The following PLSCR4 variants were observed in gnomAD, a reference collection of about 807,000 sequenced individuals.
PLSCR4 encodes Ca(2+)-dependent phospholipid scramblase 4.
In PLSCR4, 25 loss-of-function variants were observed where a neutral mutation model predicts 36.3. The observed-to-expected ratio is 0.69, with a 90% CI of 0.50 to 0.96. PLSCR4 has a LOEUF of 0.96. Among genes scored for constraint, PLSCR4 ranks in the 40% least tolerant of loss-of-function variants. The pLI, the probability that PLSCR4 is intolerant of heterozygous loss-of-function variation, is 0.00. For synonymous variants in PLSCR4, 122 were observed against 132.9 expected, an observed-to-expected ratio of 0.92 and a Z score of 0.56; for missense variants, 408 against 414.7, an observed-to-expected ratio of 0.98 and a Z score of 0.14.
chr3:146,207,779 G>A (rs2034414157), intron 3 of PLSCR4, among the ~76,000 whole-genome samples: 1 of 152,016 alleles, frequency 6.6e-6, no homozygotes, highest in Non-Finnish European at 1.5e-5. Flanking sequence ...GAGATCTGAT[G>A]AATTATCTTT....
intron 3 of PLSCR4, among the ~76,000 whole-genome samples, chr3:146,210,263 T>C (rs1280686375): frequency 1.3e-5 from 2 of 152,096 alleles, no homozygotes; most frequent in Non-Finnish European, 2.9e-5. Context: ...AATTCACAAA[T>C]ATAGGGGTCC....
At position 146,192,569 on chromosome 3, in the gene PLSCR4, A is replaced by T. The variant is rs569786319; in HGVS notation, c.*1842T>A. ...AATATAATTTTTTAAAAAAGAAATT[A>T]AAAATATCACGTCTTATGCTAAATA... On this transcript the variant is annotated 3_prime_UTR_variant, in exon 9 of 9. Transcript: ENST00000354952. 2 of 151,856 alleles carry T rather than the reference A, an allele frequency of 1.3e-5. No homozygotes were observed. Among genetic ancestry groups the T allele is most frequent in the East Asian group, 1.9e-4 (1 of 5,178 alleles). 9.4% of individuals were successfully genotyped at this position (151,856 alleles called of 1,614,324 possible). A position where few individuals can be genotyped will look rare whatever the true frequency, so the allele number is the denominator to read the frequency against.
At chr3:146,222,031 TA>T in intron 2 of PLSCR4, 33 bp downstream of exon 2, 1 of 1,185,260 alleles carries the variant, frequency 8.4e-7, no homozygotes, top group South Asian at 1.5e-5. Flanking sequence ...CATTTGAAAA[TA>T]AAGCATATTC....
intron 1 of PLSCR4, among the ~76,000 whole-genome samples, chr3:146,225,131 T>C (rs545946943): frequency 5.9e-5 from 9 of 152,166 alleles, no homozygotes; most frequent in East Asian, 1.9e-4. Context: ...AGAGTGTCCA[T>C]TGGTGCACTC....
At chr3:146,232,198 A>G (rs1444018996) in intron 1 of PLSCR4, among the ~76,000 whole-genome samples, 6 of 151,940 alleles carry the variant, frequency 3.9e-5, no homozygotes, top group African/African-American at 9.7e-5. Context: ...CTGTTGTTCC[A>G]TATGTCTGTT....
At position 146,192,431 on chromosome 3, in the gene PLSCR4, C is replaced by T. The variant is rs1440370651; in HGVS notation, c.*1980G>A. 2.7e-5 allele frequency: 4 copies of T among 150,382 alleles called. No individual in the cohort carries two copies. The highest frequency in any genetic ancestry group is 4.4e-5 in the Non-Finnish European group (3 of 67,662). The allele number at this position is 150,382 out of a possible 1,614,324, so 9.3% of individuals were successfully genotyped here. A position where few individuals can be genotyped will look rare whatever the true frequency, so the allele number is the denominator to read the frequency against. On this transcript the variant is annotated 3_prime_UTR_variant, in exon 9 of 9. Coordinates refer to ENST00000354952, the MANE Select transcript of PLSCR4 (RefSeq NM_020353.3). ...CAGAGAATTTGTTTTTTAATCAATC[C>T]GATCAATTTTACACAACAAAATATC...
At chr3:146,244,177 T>C (rs2036258866) in intron 1 of PLSCR4, among the ~76,000 whole-genome samples, 1 of 152,202 alleles carries the variant, frequency 6.6e-6, no homozygotes, top group Non-Finnish European at 1.5e-5. Flanking sequence ...ATTGAGATAC[T>C]GATACCTTTG....
chr3:146,219,622 A>T (rs1559913468), intron 3 of PLSCR4, among the ~76,000 whole-genome samples: 1 of 151,698 alleles, frequency 6.6e-6, no homozygotes, highest in Non-Finnish European at 1.5e-5. Context: ...GCCTAGAGCC[A>T]AAAAAAACCT....
intron 1 of PLSCR4, among the ~76,000 whole-genome samples, chr3:146,247,653 C>G (rs1315563448): frequency 2.0e-5 from 3 of 152,112 alleles, no homozygotes; most frequent in Non-Finnish European, 4.4e-5. Flanking sequence ...GGCAGGGTCT[C>G]TTTCTGTTGC....
intron 1 of PLSCR4, among the ~76,000 whole-genome samples, chr3:146,243,250 T>G (rs529609755): frequency 2.0e-5 from 3 of 152,300 alleles, no homozygotes; most frequent in South Asian, 2.1e-4. Context: ...TTTTTTTTAT[T>G]ATACTTTAAG....
intron 1 of PLSCR4, among the ~76,000 whole-genome samples, chr3:146,247,201 A>G (rs2036372635): frequency 6.6e-6 from 1 of 152,160 alleles, no homozygotes; most frequent in African/African-American, 2.4e-5. Flanking sequence ...AAAAATGCTG[A>G]AAAAAATATT....
chr3:146,246,385 A>C (rs974871848), intron 1 of PLSCR4, among the ~76,000 whole-genome samples: 1 of 152,050 alleles, frequency 6.6e-6, no homozygotes, highest in Admixed American at 6.6e-5. Context: ...AGTGTATGGT[A>C]GAATATTTCA....
intron 1 of PLSCR4, among the ~76,000 whole-genome samples, chr3:146,233,404 T>C (rs748546615): frequency 6.6e-6 from 1 of 152,152 alleles, no homozygotes; most frequent in Admixed American, 6.5e-5. Context: ...TGTTGTTACA[T>C]TTCAATTTAA....
chr3:146,244,100 T>C (rs2036256688), intron 1 of PLSCR4, among the ~76,000 whole-genome samples: 1 of 152,194 alleles, frequency 6.6e-6, no homozygotes, highest in African/African-American at 2.4e-5. Flanking sequence ...TACTTATCAG[T>C]AGCATAATGA....
intron 1 of PLSCR4, among the ~76,000 whole-genome samples, chr3:146,243,291 T>G (rs1045297619): frequency 6.6e-6 from 1 of 152,122 alleles, no homozygotes; most frequent in African/African-American, 2.4e-5. Flanking sequence ...ACATGCAGGT[T>G]TGTTACATAT....
chr3:146,238,992 C>T (rs918240748), intron 1 of PLSCR4, among the ~76,000 whole-genome samples: 1 of 152,042 alleles, frequency 6.6e-6, no homozygotes, highest in Non-Finnish European at 1.5e-5. Context: ...AAATCAATTA[C>T]ATTTATAATA....
intron 3 of PLSCR4, among the ~76,000 whole-genome samples, chr3:146,207,776 G>C (rs1371141288): frequency 3.3e-5 from 5 of 152,044 alleles, no homozygotes; most frequent in Non-Finnish European, 7.4e-5. Flanking sequence ...TCAGAGATCT[G>C]ATGAATTATC....
intron 4 of PLSCR4, among the ~76,000 whole-genome samples, chr3:146,202,022 G>C (rs1369682833): frequency 6.6e-6 from 1 of 151,846 alleles, no homozygotes; most frequent in African/African-American, 2.4e-5. Flanking sequence ...TATGAATGCA[G>C]TAATACATGA....
At chr3:146,215,412 A>G (rs2108273261) in intron 3 of PLSCR4, among the ~76,000 whole-genome samples, 1 of 152,240 alleles carries the variant, frequency 6.6e-6, no homozygotes, top group African/African-American at 2.4e-5. Flanking sequence ...TTTAACTAAT[A>G]TAAGGACAGC....
Sources: gnomAD v4.1 joint callset for allele counts (sites outside exome capture counted in the v4.1 genomes callset) on GRCh38, gnomAD v4.1.1 for gene constraint, MANE v1.5 for transcripts, NCBI Gene and HGNC (gene_info 2026-07-23, HGNC 2026-07-21) for gene names.